DDR2: variants seen among roughly 807,000 people sequenced by gnomAD.
DDR2 encodes the protein discoidin domain receptor tyrosine kinase 2.
In DDR2, 27 loss-of-function variants were observed where a neutral mutation model predicts 94.9. The ratio of observed to expected loss-of-function variants is 0.28; its 90% CI spans 0.21 to 0.39. The LOEUF is 0.39. Ranked by LOEUF, DDR2 falls within the 10% of genes least tolerant of loss-of-function variation. The pLI is 1.00. For missense variants in DDR2, 783 were observed against 1,076.0 expected, an observed-to-expected ratio of 0.73 and a Z score of 3.81; for synonymous variants, 382 against 377.2, an observed-to-expected ratio of 1.01 and a Z score of -0.15.
chr1:162,648,565 A>T (rs1434709811), intron 1 of DDR2, among the ~76,000 whole-genome samples: 1 of 152,226 alleles, frequency 6.6e-6, no homozygotes, highest in Non-Finnish European at 1.5e-5. Context: ...TAAGAAATCA[A>T]GTCAGGGAGA....
chr1:162,764,172 A>G (rs1663882475), intron 9 of DDR2, among the ~76,000 whole-genome samples: 1 of 152,202 alleles, frequency 6.6e-6, no homozygotes, highest in Non-Finnish European at 1.5e-5. Context: ...TATGTCACCA[A>G]TGTGATATAC....
intron 11 of DDR2, 104 bp from the exon 12 acceptor site, chr1:162,770,198 G>T: frequency 8.7e-7 from 1 of 1,146,296 alleles, no homozygotes; most frequent in Non-Finnish European, 1.3e-6. Context: ...TTAAACAGTA[G>T]TAAAGAGTTA....
At chr1:162,692,896 A>G (rs897154607) in intron 2 of DDR2, among the ~76,000 whole-genome samples, 3 of 152,222 alleles carry the variant, frequency 2.0e-5, no homozygotes, top group Admixed American at 2.0e-4. Context: ...CAGCATCATT[A>G]GTTATGGCTC....
At chr1:162,696,795 T>C (rs1351264339) in intron 2 of DDR2, among the ~76,000 whole-genome samples, 1 of 152,100 alleles carries the variant, frequency 6.6e-6, no homozygotes. Context: ...CCCAGCCTTC[T>C]TCCCTGCCCC....
intron 5 of DDR2, 21 bp from the exon 6 acceptor site, chr1:162,755,135 C>T (rs757900780): frequency 6.2e-7 from 1 of 1,613,986 alleles, no homozygotes; most frequent in Non-Finnish European, 8.5e-7. Context: ...CCTCTTCACT[C>T]ATTCTCTTCT....
rs3819018 is a variant in DDR2, at chr1:162,767,549, A to C, written c.1293+190A>C. On this transcript the variant is annotated intron_variant, in intron 11 of 17. Coordinates refer to ENST00000367921, the MANE Select transcript of DDR2 (RefSeq NM_006182.4). ...CTATTTTCTCATTTTTAGAGTGGAG[A>C]TGTTGGAACCTTCCTAACGTTCCTC... Among the ~76,000 whole-genome samples the C allele has an allele frequency of 3.4e-3, 513 of 152,304 alleles. 6 individuals are homozygous for C. The highest frequency in any genetic ancestry group is 0.032 in the East Asian group (166 of 5,180).
intron 3 of DDR2, among the ~76,000 whole-genome samples, chr1:162,749,823 G>T (rs1229195347): frequency 6.6e-6 from 1 of 152,188 alleles, no homozygotes; most frequent in Non-Finnish European, 1.5e-5. Context: ...CAATCAAGTT[G>T]GCTTCATCCC....
At chr1:162,712,880 C>T (rs1018156733) in intron 2 of DDR2, among the ~76,000 whole-genome samples, 1 of 152,034 alleles carries the variant, frequency 6.6e-6, no homozygotes. Context: ...AATCTCATTT[C>T]GAGATAGAGA....
At chr1:162,655,712 G>A (rs998699614) in intron 2 of DDR2, among the ~76,000 whole-genome samples, 1 of 152,130 alleles carries the variant, frequency 6.6e-6, no homozygotes, top group Non-Finnish European at 1.5e-5. Context: ...GCCCTTACAG[G>A]ACCCACTGGA....
At chr1:162,736,113 C>A (rs1362319357) in intron 3 of DDR2, among the ~76,000 whole-genome samples, 1 of 152,356 alleles carries the variant, frequency 6.6e-6, no homozygotes, top group Admixed American at 6.5e-5. Flanking sequence ...CCTGGCTACA[C>A]AGCACAGTCA....
intron 3 of DDR2, among the ~76,000 whole-genome samples, chr1:162,743,336 C>T (rs1662700387): frequency 6.6e-6 from 1 of 152,076 alleles, no homozygotes; most frequent in African/African-American, 2.4e-5. Context: ...TGTTTCTGTG[C>T]CAAGCCTGGG....
At chr1:162,741,171 A>G (rs1662567401) in intron 3 of DDR2, among the ~76,000 whole-genome samples, 1 of 144,030 alleles carries the variant, frequency 6.9e-6, no homozygotes, top group South Asian at 2.1e-4. Context: ...ATATAATATA[A>G]TATAATATAA....
intron 12 of DDR2, among the ~76,000 whole-genome samples, chr1:162,770,977 A>ACTACTAAGTTAGTTAGCCAC (rs2102183168): frequency 6.6e-6 from 1 of 152,356 alleles, no homozygotes; most frequent in East Asian, 1.9e-4. Context: ...AGCCATTTAA[A>ACTACTAAGTTAGTTAGCCAC]TAACTAAAAT....
At chr1:162,680,433 C>G (rs555591444) in intron 2 of DDR2, among the ~76,000 whole-genome samples, 5 of 152,138 alleles carry the variant, frequency 3.3e-5, no homozygotes, top group African/African-American at 4.8e-5. Context: ...TGTTGAAGAT[C>G]AGATGGTTGT....
intron 2 of DDR2, among the ~76,000 whole-genome samples, chr1:162,707,053 C>T (rs190215390): frequency 1.3e-3 from 192 of 152,232 alleles, no homozygotes; most frequent in African/African-American, 4.4e-3. Flanking sequence ...TGGTGCTAAT[C>T]CAACTGCTGA....
At chr1:162,687,802 A>G (rs1659759496) in intron 2 of DDR2, among the ~76,000 whole-genome samples, 1 of 152,190 alleles carries the variant, frequency 6.6e-6, no homozygotes, top group Non-Finnish European at 1.5e-5. Context: ...GTGCAGTTAC[A>G]TACCTGGTCC....
At chr1:162,699,496 T>C (rs1660334804) in intron 2 of DDR2, among the ~76,000 whole-genome samples, 1 of 152,162 alleles carries the variant, frequency 6.6e-6, no homozygotes, top group African/African-American at 2.4e-5. Flanking sequence ...GATTGCTGAG[T>C]GTCATGAACA....
chr1:162,775,927 G>A (rs915492109), intron 15 of DDR2, 84 bp downstream of exon 15: 3 of 1,560,044 alleles, frequency 1.9e-6, no homozygotes, highest in African/African-American at 1.4e-5. Flanking sequence ...GAGCCTTAAA[G>A]TGTATCAATG....
Position 162,759,999 on chromosome 1 carries a change from G to C in DDR2, c.855+20G>C. 1 of 1,614,100 alleles carries C rather than the reference G, an allele frequency of 6.2e-7. No individual in the cohort carries two copies. Among genetic ancestry groups the C allele is most frequent in the Non-Finnish European group, 8.5e-7 (1 of 1,179,982 alleles). Reference sequence around the variant, plus strand: ...ATGAAGGTCAGTGGGGTCGGGTGTGGTGGAACTTCTTTAAGGAGGCACAAA... The same window carrying C: ...ATGAAGGTCAGTGGGGTCGGGTGTGCTGGAACTTCTTTAAGGAGGCACAAA... On this transcript the variant is annotated intron_variant, in intron 8 of 17. Coordinates refer to ENST00000367921, the MANE Select transcript of DDR2 (RefSeq NM_006182.4).
Sources: gnomAD v4.1 joint callset for allele counts (sites outside exome capture counted in the v4.1 genomes callset) on GRCh38, gnomAD v4.1.1 for gene constraint, MANE v1.5 for transcripts, NCBI Gene and HGNC (gene_info 2026-07-23, HGNC 2026-07-21) for gene names.